PREP: variants seen among roughly 807,000 people sequenced by gnomAD.
The protein encoded by PREP is dJ355L5.1 (prolyl endopeptidase).
A neutral mutation model predicts 87.6 loss-of-function variants in PREP; 29 were observed. The ratio of observed to expected loss-of-function variants is 0.33; its 90% confidence interval spans 0.25 to 0.45. The LOEUF (loss-of-function observed/expected upper bound fraction) is 0.45, where lower values mean the gene tolerates loss of function less well. PREP is among the 20% of genes least tolerant of loss of function. The probability of loss-of-function intolerance (pLI) is 1.00; values close to 1 mark genes in which losing one functional copy is unlikely to be tolerated. For missense variants in PREP, 695 were observed against 886.5 expected, an observed-to-expected ratio of 0.78 and a Z score of 2.74; for synonymous variants, 337 against 328.6, an observed-to-expected ratio of 1.03 and a Z score of -0.28.
At chr6:105,345,068 T>C (rs78766295) in intron 7 of PREP, among the ~76,000 whole-genome samples, 2 of 152,250 alleles carry the variant, frequency 1.3e-5, no homozygotes, top group Non-Finnish European at 2.9e-5. Context: ...ATGAGAGCTC[T>C]TGAAATTCTT....
intron 7 of PREP, among the ~76,000 whole-genome samples, chr6:105,335,680 G>A (rs1391846503): frequency 1.3e-5 from 2 of 151,962 alleles, no homozygotes. Context: ...CCATGAGGTC[G>A]GGAGATTAAG....
intron 2 of PREP, among the ~76,000 whole-genome samples, chr6:105,396,218 G>GA (rs1383035518): frequency 6.6e-6 from 1 of 152,216 alleles, no homozygotes; most frequent in East Asian, 1.9e-4. Flanking sequence ...GGGAGTTAGA[G>GA]AAAGAATGTA....
intron 7 of PREP, among the ~76,000 whole-genome samples, chr6:105,336,409 C>T (rs1384235735): frequency 6.6e-6 from 1 of 152,086 alleles, no homozygotes; most frequent in African/African-American, 2.4e-5. Context: ...TTCTTTTAGC[C>T]ATTCTGTCAG....
At chr6:105,331,828 A>G (rs1241532904) in intron 8 of PREP, among the ~76,000 whole-genome samples, 1 of 152,206 alleles carries the variant, frequency 6.6e-6, no homozygotes. Context: ...GAGACAGGTG[A>G]TAAGATTTCC....
At chr6:105,303,003 A>C (rs1222303852) in intron 10 of PREP, among the ~76,000 whole-genome samples, 1 of 152,068 alleles carries the variant, frequency 6.6e-6, no homozygotes, top group Non-Finnish European at 1.5e-5. Flanking sequence ...TCCTGCTTCC[A>C]ATCTGAGCAC....
intron 6 of PREP, among the ~76,000 whole-genome samples, chr6:105,367,159 CAT>C (rs1314713402): frequency 4.6e-5 from 7 of 151,884 alleles, no homozygotes; most frequent in Non-Finnish European, 8.8e-5. Context: ...GATTATATAT[CAT>C]ATAATATTTT....
rs890217958 is a variant in PREP at position 105,376,371 on chromosome 6, A to G, written c.255-116T>C. ...CAAAGACCTAAAAAGGTACCACTGT[A>G]ATCTGGCCATCGCAGGGACGTGGGG... On this transcript the variant is annotated intron_variant, in intron 3 of 14. Transcript: ENST00000652536. The G allele has an allele frequency of 2.4e-6, 3 of 1,249,694 alleles. No homozygotes were observed. In the Admixed American group the frequency reaches 6.5e-5, roughly 27 times the overall value. The allele number at this position is 1,249,694 out of a possible 1,614,324, so 77.4% of individuals were successfully genotyped here.
intron 7 of PREP, among the ~76,000 whole-genome samples, chr6:105,333,838 G>A (rs1470495369): frequency 3.3e-5 from 5 of 152,002 alleles, no homozygotes; most frequent in South Asian, 2.1e-4. Flanking sequence ...ATTCCAAGTC[G>A]TCGTCGTCTC....
intron 8 of PREP, 73 bp from the exon 9 acceptor site, chr6:105,329,099 G>T: frequency 1.5e-6 from 2 of 1,375,636 alleles, no homozygotes; most frequent in Non-Finnish European, 2.0e-6. Flanking sequence ...TTGAGCAACA[G>T]TTCCAGAGCT....
chr6:105,316,045 T>C (rs181258799), intron 10 of PREP, among the ~76,000 whole-genome samples: 143 of 152,274 alleles, frequency 9.4e-4, no homozygotes, highest in African/African-American at 3.3e-3. Context: ...TTCACTGGCA[T>C]AGCACTTTTT....
At chr6:105,367,049 T>A (rs1356208318) in intron 6 of PREP, among the ~76,000 whole-genome samples, 1 of 152,206 alleles carries the variant, frequency 6.6e-6, no homozygotes, top group Non-Finnish European at 1.5e-5. Context: ...GTCAATGAAC[T>A]TAATGCCACT....
At chr6:105,334,241 C>T (rs945314489) in intron 7 of PREP, among the ~76,000 whole-genome samples, 3 of 152,210 alleles carry the variant, frequency 2.0e-5, no homozygotes, top group Non-Finnish European at 4.4e-5. Flanking sequence ...CAAATTCCTT[C>T]CCATGGTCTT....
chr6:105,333,544 T>C, intron 7 of PREP, 39 bp from the exon 8 acceptor site: 3 of 1,598,388 alleles, frequency 1.9e-6, no homozygotes, highest in Admixed American at 3.3e-5. Flanking sequence ...CTCTCTAATG[T>C]TTAAAAATGG....
intron 10 of PREP, among the ~76,000 whole-genome samples, chr6:105,311,403 T>A (rs1357288266): frequency 6.6e-6 from 1 of 152,132 alleles, no homozygotes; most frequent in African/African-American, 2.4e-5. Context: ...AAGTGCTTTG[T>A]TCTCAGGGCC....
intron 9 of PREP, among the ~76,000 whole-genome samples, chr6:105,324,585 C>T (rs1041491010): frequency 2.6e-5 from 4 of 152,080 alleles, no homozygotes; most frequent in South Asian, 2.1e-4. Context: ...GTGGAAATAG[C>T]ACCTCCCCAC....
chr6:105,287,403 C>G (rs1770210537), intron 11 of PREP, among the ~76,000 whole-genome samples: 1 of 152,140 alleles, frequency 6.6e-6, no homozygotes, highest in Non-Finnish European at 1.5e-5. Context: ...CCACATATAT[C>G]TTTCGAAAAT....
chr6:105,358,491 G>C (rs1324702868), intron 6 of PREP, among the ~76,000 whole-genome samples: 1 of 152,170 alleles, frequency 6.6e-6, no homozygotes, highest in African/African-American at 2.4e-5. Flanking sequence ...GATGTAGAGA[G>C]AGTGTGGTAT....
Position 105,276,648 on chromosome 6 carries a change from TA to T in PREP, c.*1495del, listed in dbSNP as rs1769937104. Among the ~76,000 whole-genome samples, 1 of 152,202 alleles carries T rather than the reference TA, an allele frequency of 6.6e-6. No homozygotes were observed. Among genetic ancestry groups the T allele is most frequent in the African/African-American group, 2.4e-5 (1 of 41,452 alleles). The stretch of plus-strand genomic sequence containing the variant: ...TGGCACACTTTGTTTCCAGAGGAGT[TA>T]TGGTGAATCTTATACTCAATGACAA... On this transcript the variant is annotated 3_prime_UTR_variant, in exon 15 of 15. Transcript: ENST00000652536.
chr6:105,370,179 G>A (rs977164370), intron 5 of PREP, among the ~76,000 whole-genome samples: 4 of 147,140 alleles, frequency 2.7e-5, no homozygotes, highest in Non-Finnish European at 5.9e-5. Context: ...TTGAACCCGG[G>A]ACAGAAGATG....
Sources: gnomAD v4.1 joint callset for allele counts (sites outside exome capture counted in the v4.1 genomes callset) on GRCh38, gnomAD v4.1.1 for gene constraint, MANE v1.5 for transcripts, NCBI Gene and HGNC (gene_info 2026-07-23, HGNC 2026-07-21) for gene names.